Variants in AHRR observed in about 807,000 individuals in gnomAD.
AHRR encodes aryl hydrocarbon receptor repressor.
A neutral mutation model predicts 44.0 loss-of-function variants in AHRR; 28 were observed. The ratio of observed to expected loss-of-function variants is 0.64; its 90% confidence interval spans 0.47 to 0.87. The LOEUF (loss-of-function observed/expected upper bound fraction) is 0.87. Among genes scored for constraint, AHRR ranks in the 40% least tolerant of loss-of-function variants. The pLI is 0.00. For synonymous variants in AHRR, 434 were observed against 407.0 expected (o/e 1.07, Z -0.80); for missense variants, 990 against 953.9 (o/e 1.04, Z -0.50).
At chr5:361,274 C>T (rs572607336) in intron 3 of AHRR, among the ~76,000 whole-genome samples, 1 of 152,242 alleles carries the variant, frequency 6.6e-6, no homozygotes, top group East Asian at 1.9e-4. Context: ...CGGACTTGCA[C>T]GTGGTGAAAC....
chr5:419,171 T>G lies in AHRR; in HGVS notation c.442-3558T>G, dbSNP rs1262806951. 7.0e-6 allele frequency: 1 copy of G among 142,622 alleles called. No individual in the cohort carries two copies. Among genetic ancestry groups the G allele is most frequent in the East Asian group, 2.0e-4 (1 of 4,958 alleles). 8.8% of individuals were successfully genotyped at this position (142,622 alleles called of 1,614,324 possible). ...TCTATTTTTTAAAAGGAATGGGATT[T>G]TTTTTTTTTTTTTGAGACAGTCTTG... On this transcript the variant is annotated intron_variant, in intron 5 of 10. Transcript: ENST00000684583. The surrounding 1 kb of genome is among the most constrained non-coding windows in gnomAD (Gnocchi z 4.4).
Position 406,570 on chromosome 5 carries a change from T to C in AHRR, c.352-6774T>C, listed in dbSNP as rs1476984414. Among the ~76,000 whole-genome samples the C allele has an allele frequency of 1.3e-5, 2 of 152,184 alleles. No homozygotes were observed. Among genetic ancestry groups the C allele is most frequent in the Non-Finnish European group, 2.9e-5 (2 of 68,038 alleles). ...AAGAAACAGAAAATACTCAAGCTGG[T>C]TAGGCTATTCAAGAACATAGAAAGG... On this transcript the variant is annotated intron_variant, in intron 4 of 10. Transcript: ENST00000684583. The surrounding 1 kb of genome is among the most constrained non-coding windows in gnomAD (Gnocchi z 4.7).
rs985198762 is a variant in AHRR, at chr5:370,921, A to G, written c.245-5689A>G. On this transcript the variant is annotated intron_variant, in intron 3 of 10. Transcript: ENST00000684583. This position sits in a 1 kb window ranked among gnomAD's most constrained non-coding sequence, Gnocchi z 4.5. ...CGGCCGACCTCGGGCCGGGCTTTAC[A>G]GGGCATGTCAGTTAGGGCTCTGCAG... is the stretch of plus-strand genomic sequence containing the variant. Among the ~76,000 whole-genome samples, 2 of 152,114 alleles carry G rather than the reference A, an allele frequency of 1.3e-5. No homozygotes were observed. Among genetic ancestry groups the G allele is most frequent in the Admixed American group, 1.3e-4 (2 of 15,280 alleles).
At chr5:350,521 GTCCTC>G (rs1742823789) in intron 2 of AHRR, among the ~76,000 whole-genome samples, 1 of 152,132 alleles carries the variant, frequency 6.6e-6, no homozygotes, top group East Asian at 1.9e-4. Flanking sequence ...CCTCCTGGCT[GTCCTC>G]TCCCCACTGC....
intron 4 of AHRR, among the ~76,000 whole-genome samples, chr5:412,138 G>A (rs894413705): frequency 5.9e-5 from 9 of 152,262 alleles, no homozygotes; most frequent in Admixed American, 3.9e-4. Flanking sequence ...AAAATCCCAC[G>A]ATGATTACGG....
chr5:359,767 C>T (rs904808327), intron 3 of AHRR, among the ~76,000 whole-genome samples: 4 of 152,158 alleles, frequency 2.6e-5, no homozygotes, highest in Admixed American at 6.5e-5. Flanking sequence ...CCGGGCTGAA[C>T]GGGCACATCC....
chr5:403,661 A>T, intron 4 of AHRR: 1 of 570,050 alleles, frequency 1.8e-6, no homozygotes, highest in Non-Finnish European at 3.0e-6. Context: ...AAAAGTAACC[A>T]CTTTAAATAG....
rs1350083172 is a variant in AHRR, at chr5:432,835, G to A, written c.1000G>A (p.Val334Met). The change falls in exon 10 of 11, where the codon GTG becomes ATG. Residue 334 changes from valine (V) to methionine (M), a missense_variant. By Grantham distance (21) the Val-to-Met change is conservative. Transcript: ENST00000684583. ...GRSSRESGVL[V>M]LREQTDAGRW... ...GAGCAGCAGAGAGAGCGGCGTTTTG[G>A]TGCTCAGGGAACAGACTGACGCTGG... The A allele has an allele frequency of 2.5e-6, 4 of 1,613,872 alleles. No individual in the cohort carries two copies. The African/African-American group carries it at 4.0e-5, about 16-fold the overall frequency.
chr5:386,084 G>T (rs898504130), intron 4 of AHRR, among the ~76,000 whole-genome samples: 1 of 151,942 alleles, frequency 6.6e-6, no homozygotes, highest in African/African-American at 2.4e-5. Flanking sequence ...CTGTGTATCT[G>T]CTGGGACTTT....
intron 1 of AHRR, among the ~76,000 whole-genome samples, chr5:323,865 C>T (rs1362018187): frequency 1.3e-5 from 2 of 152,034 alleles, no homozygotes; most frequent in African/African-American, 2.4e-5. Flanking sequence ...GGAGGAGAGT[C>T]GGCTCACAGA....
chr5:410,042 A>T (rs1189797246), intron 4 of AHRR, among the ~76,000 whole-genome samples: 1 of 152,184 alleles, frequency 6.6e-6, no homozygotes, highest in Non-Finnish European at 1.5e-5. Flanking sequence ...TGATTGACCT[A>T]GTGCCTTGGC....
chr5:341,477 C>CCCTTT (rs1373503139), intron 1 of AHRR, among the ~76,000 whole-genome samples: 17 of 145,082 alleles, frequency 1.2e-4, no homozygotes, highest in Admixed American at 2.0e-4. Flanking sequence ...TTGGTTTAAT[C>CCCTTT]ACTTTCCTTC....
chr5:423,754 C>T lies in AHRR; in HGVS notation c.572-87C>T, dbSNP rs184486700. 1,039 of 1,486,414 alleles carry T rather than the reference C, an allele frequency of 7.0e-4. 38 individuals carry two copies. The East Asian group carries it at 9.6e-3, about 14-fold the overall frequency. 92.1% of individuals were successfully genotyped at this position (1,486,414 alleles called of 1,614,324 possible). On this transcript the variant is annotated intron_variant, in intron 6 of 10. Transcript: ENST00000684583. ...GTGATAGGGTTTACATGACCTGGCGCGTGAGAGCCGTGGGCGTGGTTGTGC... is the reference window on the plus strand; with the variant it reads ...GTGATAGGGTTTACATGACCTGGCGTGTGAGAGCCGTGGGCGTGGTTGTGC...
intron 2 of AHRR, among the ~76,000 whole-genome samples, chr5:351,403 G>T (rs73046934): frequency 1.3e-5 from 2 of 152,166 alleles, no homozygotes; most frequent in Non-Finnish European, 2.9e-5. Flanking sequence ...CTCCATACAC[G>T]GGAATATTAC....
In AHRR at chr5:417,466, C is replaced by T. The variant is rs142580495; in HGVS notation, c.441+4033C>T. On this transcript the variant is annotated intron_variant, in intron 5 of 10. Transcript: ENST00000684583. ...TGGCTTGGTCTGTATGTGCAGGGCC[C>T]GAGTCTAGAGAAGGCCGCTTGGTCT... 9.2e-5 allele frequency among the ~76,000 whole-genome samples: 14 copies of T among 151,906 alleles called. No homozygotes were observed. The East Asian group carries it at 1.5e-3, about 17-fold the overall frequency.
intron 4 of AHRR, among the ~76,000 whole-genome samples, chr5:386,864 C>T (rs1451868097): frequency 6.6e-6 from 1 of 151,638 alleles, no homozygotes. Flanking sequence ...GCTCTGGGTC[C>T]TGGAACTAAC....
intron 4 of AHRR, among the ~76,000 whole-genome samples, chr5:392,345 G>C (rs1734499974): frequency 8.6e-6 from 1 of 115,708 alleles, no homozygotes; most frequent in Admixed American, 8.1e-5. Context: ...GAGGGCGCAG[G>C]GCGAGGCAGG....
At chr5:421,647 G>C (rs1255454849) in intron 5 of AHRR, among the ~76,000 whole-genome samples, 1 of 152,214 alleles carries the variant, frequency 6.6e-6, no homozygotes, top group Non-Finnish European at 1.5e-5. Flanking sequence ...AGGGGTCTCT[G>C]TTCCTCTGTT....
At chr5:327,192 C>A (rs182930056) in intron 1 of AHRR, among the ~76,000 whole-genome samples, 33 of 152,330 alleles carry the variant, frequency 2.2e-4, no homozygotes, top group African/African-American at 7.2e-4. Flanking sequence ...CATTGTGTAT[C>A]TTCTTTGGAG....
Sources: allele counts gnomAD v4.1 joint callset (sites outside exome capture counted in the v4.1 genomes callset), GRCh38; gene constraint gnomAD v4.1.1; non-coding constraint Gnocchi (gnomAD v3.1); transcripts MANE v1.5; gene names NCBI Gene and HGNC (gene_info 2026-07-23, HGNC 2026-07-21).